EYS: variants seen among roughly 807,000 people sequenced by gnomAD.
EYS encodes the protein protein eyes shut homolog.
EYS carries 250 observed loss-of-function variants against 282.1 expected under a neutral mutation model. That is an observed-to-expected ratio of 0.89 (90% CI 0.80 to 0.98). The LOEUF is 0.98. Ranked by LOEUF, EYS falls within the 50% of genes least tolerant of loss-of-function variation. The pLI is 0.00. For missense variants in EYS, 4,016 were observed against 3,709.0 expected, an observed-to-expected ratio of 1.08 and a Z score of -2.15; for synonymous variants, 1,355 against 1,282.9, an observed-to-expected ratio of 1.06 and a Z score of -1.20.
intron 5 of EYS, among the ~76,000 whole-genome samples, chr6:65,448,372 T>C (rs1764274382): frequency 6.6e-6 from 1 of 152,102 alleles, no homozygotes; most frequent in Non-Finnish European, 1.5e-5. Context: ...TTTTAATTCC[T>C]TAATATGATT....
At chr6:64,905,012 C>T (rs372735482) in intron 16 of EYS, among the ~76,000 whole-genome samples, 5 of 152,086 alleles carry the variant, frequency 3.3e-5, no homozygotes, top group African/African-American at 4.8e-5. Context: ...ATTTTAAGAG[C>T]GAAGTATGCA....
At chr6:65,166,844 A>G (rs959586218) in intron 12 of EYS, among the ~76,000 whole-genome samples, 1 of 151,258 alleles carries the variant, frequency 6.6e-6, no homozygotes, top group African/African-American at 2.4e-5. Context: ...ATAACAATAA[A>G]AAGGCAACTG....
chr6:64,433,465 T>C (rs968016766), intron 28 of EYS, among the ~76,000 whole-genome samples: 1 of 152,062 alleles, frequency 6.6e-6, no homozygotes, highest in Non-Finnish European at 1.5e-5. Context: ...GCTTCACTTT[T>C]GTACTTTATA....
At chr6:63,957,986 G>C (rs1267676566) in intron 35 of EYS, among the ~76,000 whole-genome samples, 3 of 140,614 alleles carry the variant, frequency 2.1e-5, no homozygotes, top group Non-Finnish European at 4.8e-5. Context: ...CAAAGACTTT[G>C]AATTGACCCA....
intron 29 of EYS, among the ~76,000 whole-genome samples, chr6:64,346,447 C>G (rs1218830851): frequency 6.6e-6 from 1 of 151,456 alleles, no homozygotes; most frequent in Non-Finnish European, 1.5e-5. Context: ...CAAACTATCA[C>G]AAGGACAAAA....
intron 35 of EYS, among the ~76,000 whole-genome samples, chr6:63,891,303 A>G (rs1773400556): frequency 6.6e-6 from 1 of 152,212 alleles, no homozygotes; most frequent in Admixed American, 6.5e-5. Context: ...TTTCAGGCCA[A>G]TATCCCTGAT....
chr6:65,514,099 G>T (rs958518550), intron 2 of EYS, among the ~76,000 whole-genome samples: 2 of 151,792 alleles, frequency 1.3e-5, no homozygotes, highest in African/African-American at 2.4e-5. Flanking sequence ...AAAGTCTCAG[G>T]ATACAAAATC....
At chr6:63,963,555 A>G (rs1211092269) in intron 35 of EYS, among the ~76,000 whole-genome samples, 1 of 152,166 alleles carries the variant, frequency 6.6e-6, no homozygotes, top group African/African-American at 2.4e-5. Flanking sequence ...CAGCTTGCTC[A>G]CAGGACCGAG....
intron 12 of EYS, among the ~76,000 whole-genome samples, chr6:65,187,028 A>G (rs1562011576): frequency 6.6e-6 from 1 of 151,774 alleles, no homozygotes; most frequent in Non-Finnish European, 1.5e-5. Context: ...ATAGGCTGGG[A>G]ACACAGGCAC....
chr6:64,211,265 A>C (rs918053189), intron 31 of EYS, among the ~76,000 whole-genome samples: 4 of 152,172 alleles, frequency 2.6e-5, no homozygotes, highest in African/African-American at 4.8e-5. Context: ...ATTTATTTTT[A>C]ATTGGCAAAT....
chr6:65,384,452 G>A lies in EYS; in HGVS notation c.1233C>T (p.His411=), dbSNP rs772593328. The A allele has an allele frequency of 1.4e-5, 22 of 1,608,966 alleles. No individual in the cohort carries two copies. The highest frequency in any genetic ancestry group is 1.9e-5 in the Non-Finnish European group (22 of 1,177,216). ...GACAGTTGATGCTGAGCAGTTTACAGTGGTCAATTGCTTTCTCACAGTTTT... is the reference window on the plus strand; with the variant it reads ...GACAGTTGATGCTGAGCAGTTTACAATGGTCAATTGCTTTCTCACAGTTTT... ...TEKNCEKAID[H]CKLLSINCLN... The change falls in exon 8 of 43, where the codon CAC becomes CAT. Residue 411 remains histidine, a synonymous_variant. Transcript: ENST00000503581.
intron 29 of EYS, among the ~76,000 whole-genome samples, chr6:64,332,589 C>T (rs1057081378): frequency 2.0e-5 from 3 of 152,126 alleles, no homozygotes; most frequent in African/African-American, 7.2e-5. Context: ...AACTCAGGAC[C>T]AGTGGACCAG....
At chr6:63,967,371 A>G (rs1036906145) in intron 35 of EYS, among the ~76,000 whole-genome samples, 3 of 152,188 alleles carry the variant, frequency 2.0e-5, no homozygotes, top group Non-Finnish European at 4.4e-5. Context: ...AACTGTGGAT[A>G]ATTGTGGACT....
chr6:63,918,762 ATAAC>A, intron 35 of EYS, among the ~76,000 whole-genome samples: 1 of 152,374 alleles, frequency 6.6e-6, no homozygotes, highest in East Asian at 1.9e-4. Flanking sequence ...AAAGGTAATT[ATAAC>A]TAACTAAAGA....
intron 26 of EYS, among the ~76,000 whole-genome samples, chr6:64,543,915 T>G (rs1403983147): frequency 6.6e-6 from 1 of 152,222 alleles, no homozygotes; most frequent in East Asian, 1.9e-4. Flanking sequence ...GTATTCAAAC[T>G]TTATATGCCC....
chr6:65,487,106 C>T (rs1253905213), intron 5 of EYS, among the ~76,000 whole-genome samples: 4 of 152,166 alleles, frequency 2.6e-5, no homozygotes, highest in Non-Finnish European at 5.9e-5. Flanking sequence ...GATATACAAT[C>T]ATGTCATCTG....
At chr6:64,115,342 C>T (rs1231186173) in intron 31 of EYS, among the ~76,000 whole-genome samples, 1 of 152,168 alleles carries the variant, frequency 6.6e-6, no homozygotes, top group Non-Finnish European at 1.5e-5. Context: ...CAAATCCCAA[C>T]TCTGTGCTCA....
At chr6:64,157,413 C>T (rs546037600) in intron 31 of EYS, among the ~76,000 whole-genome samples, 1 of 152,216 alleles carries the variant, frequency 6.6e-6, no homozygotes, top group East Asian at 1.9e-4. Flanking sequence ...GAAATTGAAG[C>T]CAGCTGCAGG....
rs142689554 is a variant in EYS, at chr6:64,493,514, T to A, written c.5645-54162A>T. ...AGGAAATGTTATTAAGTACTTTACA[T>A]ATAGATGATCAATTTTCAGAATTTT... is the stretch of plus-strand genomic sequence containing the variant. On this transcript the variant is annotated intron_variant, in intron 26 of 42. Transcript: ENST00000503581. Among the ~76,000 whole-genome samples the A allele has an allele frequency of 6.6e-5, 10 of 151,740 alleles. No homozygotes were observed. The East Asian group carries it at 1.6e-3, about 24-fold the overall frequency.
Sources: gnomAD v4.1 joint callset for allele counts (sites outside exome capture counted in the v4.1 genomes callset) on GRCh38, gnomAD v4.1.1 for gene constraint, MANE v1.5 for transcripts, NCBI Gene and HGNC (gene_info 2026-07-23, HGNC 2026-07-21) for gene names.